Variants in SORBS2 observed in about 807,000 individuals in gnomAD.
SORBS2 encodes the protein sorbin and SH3 domain-containing protein 2.
SORBS2 carries 46 observed loss-of-function variants against 97.7 expected under a neutral mutation model. The ratio of observed to expected loss-of-function variants is 0.47; its 90% CI spans 0.37 to 0.60. The LOEUF is 0.60. Among genes scored for constraint, SORBS2 ranks in the 20% least tolerant of loss-of-function variants. The pLI, the probability that SORBS2 is intolerant of heterozygous loss-of-function variation, is 0.00. For missense variants in SORBS2, 1,316 were observed against 1,282.3 expected (o/e 1.03, Z -0.40); for synonymous variants, 476 against 473.4 (o/e 1.01, Z -0.07).
chr4:185,754,671 A>C (rs756640349), intron 2 of SORBS2, among the ~76,000 whole-genome samples: 13 of 152,306 alleles, frequency 8.5e-5, no homozygotes, highest in Admixed American at 8.5e-4. Context: ...GGAAAATGGA[A>C]TATCCAGTGC....
intron 1 of SORBS2, among the ~76,000 whole-genome samples, chr4:185,873,762 A>G (rs2099231747): frequency 6.6e-6 from 1 of 152,240 alleles, no homozygotes; most frequent in South Asian, 2.1e-4. Flanking sequence ...AATAATGTGT[A>G]AGAAATGGCT....
chr4:185,786,983 A>AG (rs1441357131), intron 1 of SORBS2, among the ~76,000 whole-genome samples: 39 of 149,802 alleles, frequency 2.6e-4, no homozygotes, highest in African/African-American at 9.3e-4. Flanking sequence ...TCTGTCTCAA[A>AG]AAAAAAAAAA....
chr4:185,900,303 C>T (rs2099247048), intron 1 of SORBS2, among the ~76,000 whole-genome samples: 1 of 152,116 alleles, frequency 6.6e-6, no homozygotes, highest in Non-Finnish European at 1.5e-5. Flanking sequence ...TAGAGCTACC[C>T]GTTCCATACT....
At chr4:185,918,650 T>C (rs2099259487) in intron 1 of SORBS2, 1 of 152,238 alleles carries the variant, frequency 6.6e-6, no homozygotes, top group Admixed American at 6.5e-5. Flanking sequence ...CGTAGCTCTG[T>C]TTCCACTCAC....
chr4:185,713,973 C>T (rs895213679), intron 2 of SORBS2, among the ~76,000 whole-genome samples: 1 of 152,206 alleles, frequency 6.6e-6, no homozygotes, highest in African/African-American at 2.4e-5. Flanking sequence ...TATGGAATCA[C>T]CACCACTACA....
chr4:185,651,249 T>C (rs1435466826), intron 2 of SORBS2, among the ~76,000 whole-genome samples: 2 of 152,162 alleles, frequency 1.3e-5, no homozygotes, highest in Admixed American at 6.5e-5. Flanking sequence ...CCAATCCAAG[T>C]GGCAGTGCCT....
chr4:185,591,059 T>C (rs1052394721), intron 13 of SORBS2, among the ~76,000 whole-genome samples: 1 of 151,118 alleles, frequency 6.6e-6, no homozygotes, highest in African/African-American at 2.5e-5. Flanking sequence ...AGTCAGAAAA[T>C]AATATTTTGG....
chr4:185,605,730 A>G (rs1221822342), intron 12 of SORBS2, among the ~76,000 whole-genome samples: 2 of 151,948 alleles, frequency 1.3e-5, no homozygotes, highest in African/African-American at 4.8e-5. Flanking sequence ...GATTGTAGGC[A>G]CCCACCACCA....
chr4:185,670,172 T>C (rs1290373707), intron 4 of SORBS2, among the ~76,000 whole-genome samples: 1 of 151,138 alleles, frequency 6.6e-6, no homozygotes, highest in East Asian at 1.9e-4. Flanking sequence ...TGGGCCGAGA[T>C]CACACCACTG....
At chr4:185,804,942 C>G (rs1445626667) in intron 1 of SORBS2, among the ~76,000 whole-genome samples, 1 of 152,012 alleles carries the variant, frequency 6.6e-6, no homozygotes, top group Non-Finnish European at 1.5e-5. Flanking sequence ...CAACTATATT[C>G]TAAAGCCTTA....
intron 11 of SORBS2, among the ~76,000 whole-genome samples, chr4:185,612,688 C>T (rs1241788535): frequency 6.6e-6 from 1 of 152,012 alleles, no homozygotes; most frequent in East Asian, 1.9e-4. Context: ...AGGGGTTTCA[C>T]CATGTTGGTC....
At chr4:185,753,063 G>A (rs940184215) in intron 2 of SORBS2, among the ~76,000 whole-genome samples, 2 of 152,192 alleles carry the variant, frequency 1.3e-5, no homozygotes, top group African/African-American at 4.8e-5. Flanking sequence ...CAGTGACCAC[G>A]GCCATGAGGG....
At chr4:185,714,958 T>G (rs2098453602) in intron 2 of SORBS2, among the ~76,000 whole-genome samples, 1 of 152,180 alleles carries the variant, frequency 6.6e-6, no homozygotes, top group Non-Finnish European at 1.5e-5. Flanking sequence ...TCAGAACACA[T>G]GAGTCTATAA....
At chr4:185,624,366 C>T in exon 7 of SORBS2, 3 of 1,614,222 alleles carry the variant, frequency 1.9e-6, no homozygotes, top group Non-Finnish European at 1.7e-6. Flanking sequence ...AAACTAATGG[C>T]TCTTGGTGAG....
chr4:185,734,871 A>G (rs1443287927), intron 2 of SORBS2, among the ~76,000 whole-genome samples: 1 of 152,178 alleles, frequency 6.6e-6, no homozygotes, highest in Non-Finnish European at 1.5e-5. Context: ...CTTGATCATT[A>G]CACCAGCTCT....
intron 4 of SORBS2, among the ~76,000 whole-genome samples, chr4:185,631,972 C>T (rs1224849373): frequency 6.6e-6 from 1 of 152,184 alleles, no homozygotes; most frequent in African/African-American, 2.4e-5. Context: ...TTAAAAATGT[C>T]AGCCAGAAAG....
At chr4:185,796,501 G>A (rs1375117398) in intron 1 of SORBS2, among the ~76,000 whole-genome samples, 1 of 147,162 alleles carries the variant, frequency 6.8e-6, no homozygotes. Context: ...GGCTGGGCAT[G>A]CCTGGGCGCT....
intron 2 of SORBS2, among the ~76,000 whole-genome samples, chr4:185,728,212 C>T (rs977354619): frequency 7.2e-5 from 11 of 152,086 alleles, no homozygotes; most frequent in African/African-American, 1.9e-4. Context: ...CTGTGCTCCC[C>T]GAGAAAGTCC....
chr4:185,615,053 A>G, exon 10 of SORBS2: 6 of 1,613,468 alleles, frequency 3.7e-6, no homozygotes, highest in Non-Finnish European at 5.1e-6. Flanking sequence ...ACCTCTACGT[A>G]TGAGATCGGG....
Sources: gnomAD v4.1 joint callset for allele counts (sites outside exome capture counted in the v4.1 genomes callset) on GRCh38, gnomAD v4.1.1 for gene constraint, MANE v1.5 for transcripts, NCBI Gene and HGNC (gene_info 2026-07-23, HGNC 2026-07-21) for gene names.